The following PHF8 variants were observed in gnomAD, a reference collection of about 807,000 sequenced individuals.
PHF8 encodes PHD finger protein 8.
In PHF8, 9 loss-of-function variants were observed where a neutral mutation model predicts 74.4. That is an observed-to-expected ratio of 0.12 (90% confidence interval 0.07 to 0.21). PHF8 has a LOEUF of 0.21. Among genes scored for constraint, PHF8 ranks in the 10% least tolerant of loss-of-function variants. The pLI, the probability that PHF8 is intolerant of heterozygous loss-of-function variation, is 1.00. For synonymous variants in PHF8, 311 were observed against 316.6 expected, an observed-to-expected ratio of 0.98 and a Z score of 0.19; for missense variants, 478 against 816.6, an observed-to-expected ratio of 0.59 and a Z score of 5.05.
chrX:53,949,531 G>C (rs2064885372), intron 19 of PHF8, among the ~76,000 whole-genome samples: 1 of 109,684 alleles, frequency 9.1e-6, no homozygotes, highest in South Asian at 3.9e-4. Flanking sequence ...AATAAATGTT[G>C]GCCGGGCGCT....
At chrX:54,007,805 T>C (rs782227658) in intron 8 of PHF8, among the ~76,000 whole-genome samples, 3 of 112,117 alleles carry the variant, frequency 2.7e-5, no homozygotes, top group African/African-American at 9.7e-5. Context: ...CTGTTGAGAA[T>C]ATAAAATGGT....
At chrX:54,013,588 C>T (rs1250123356) in intron 7 of PHF8, among the ~76,000 whole-genome samples, 10 of 110,671 alleles carry the variant, frequency 9.0e-5, no homozygotes, top group African/African-American at 3.3e-4. Flanking sequence ...GAGGTGGAGG[C>T]AAGCAGATCA....
At chrX:53,965,689 C>A (rs1456917049) in intron 18 of PHF8, among the ~76,000 whole-genome samples, 1 of 111,971 alleles carries the variant, frequency 8.9e-6, no homozygotes, top group Non-Finnish European at 1.9e-5. Flanking sequence ...AATGGAGACT[C>A]AGTAACTGCA....
chrX:54,010,361 A>G (rs1283311212), intron 8 of PHF8, among the ~76,000 whole-genome samples: 3 of 111,646 alleles, frequency 2.7e-5, no homozygotes, highest in African/African-American at 6.5e-5. Flanking sequence ...CTCCACACAT[A>G]TATTTGACAA....
Position 53,940,433 on chromosome X carries a change from G to C in PHF8, c.2733C>G (p.Ser911=). 1 of 1,207,142 alleles carries C rather than the reference G, an allele frequency of 8.3e-7. No individual in the cohort carries two copies. Residue 911 remains serine, a synonymous_variant, in exon 21 of 22, where the codon TCC becomes TCG. Coordinates refer to ENST00000338154, the MANE Select transcript of PHF8 (RefSeq NM_015107.3). ...GGGCTGGTACTGTCAGACTGAGATT[G>C]GAGTCTTGAGGGCGAGGCTGTTCTA... The part of the protein sequence containing the change: ...KEVEQPRPQD[S]NLSLTVPAPT...
chrX:54,014,329 A>T, intron 7 of PHF8, 48 bp downstream of exon 7: 1 of 854,483 alleles, frequency 1.2e-6, no homozygotes. Context: ...TGACACGTAC[A>T]GGGAGGCCCA....
At chrX:53,942,005 T>A (rs1285029694) in intron 20 of PHF8, among the ~76,000 whole-genome samples, 3 of 111,768 alleles carry the variant, frequency 2.7e-5, no homozygotes, top group African/African-American at 9.8e-5. Context: ...CAGAATTACC[T>A]CTTCATATCT....
chrX:53,938,169 G>A lies in PHF8; in HGVS notation c.*989C>T. ...AAAGTTCCCGATGGAGGACCCAGGT[G>A]TGGGCCGTCCCGCCACACCCTCCAT... On this transcript the variant is annotated 3_prime_UTR_variant, in exon 22 of 22. Coordinates refer to ENST00000338154, the MANE Select transcript of PHF8 (RefSeq NM_015107.3). 9.0e-7 allele frequency: 1 copy of A among 1,110,396 alleles called. No individual in the cohort carries two copies. The highest frequency in any genetic ancestry group is 1.2e-6 in the Non-Finnish European group (1 of 846,471). 91.5% of individuals were successfully genotyped at this position (1,110,396 alleles called of 1,213,427 possible).
chrX:54,024,284 A>G (rs1333502244), intron 2 of PHF8, among the ~76,000 whole-genome samples: 1 of 112,104 alleles, frequency 8.9e-6, no homozygotes, highest in African/African-American at 3.2e-5. Flanking sequence ...TGTGTGTAGC[A>G]CAGTGAGCAT....
chrX:53,961,643 T>C (rs1051162589), intron 19 of PHF8, among the ~76,000 whole-genome samples: 4 of 110,797 alleles, frequency 3.6e-5, no homozygotes, highest in Admixed American at 1.9e-4. Context: ...AAAAGAAACA[T>C]TTACTGATTA....
intron 6 of PHF8, among the ~76,000 whole-genome samples, chrX:54,015,299 G>C (rs1304762591): frequency 9.0e-6 from 1 of 111,055 alleles, no homozygotes; most frequent in Non-Finnish European, 1.9e-5. Flanking sequence ...CAACAGCGCC[G>C]GGCGCGGTGG....
chrX:53,958,100 G>A (rs2065041274), intron 19 of PHF8, among the ~76,000 whole-genome samples: 1 of 107,967 alleles, frequency 9.3e-6, no homozygotes, highest in African/African-American at 3.4e-5. Flanking sequence ...GGAGTGCAGT[G>A]GCAAAATCTC....
chrX:54,017,960 C>G (rs1260912799), intron 4 of PHF8, 139 bp from the exon 5 acceptor site: 4 of 527,534 alleles, frequency 7.6e-6, no homozygotes, highest in Non-Finnish European at 9.7e-6. Flanking sequence ...AAAACCTCAT[C>G]TGCCAGGGAA....
At chrX:53,967,491 G>C (rs1417479060) in intron 18 of PHF8, among the ~76,000 whole-genome samples, 5 of 93,022 alleles carry the variant, frequency 5.4e-5, no homozygotes, top group African/African-American at 2.2e-4. Flanking sequence ...GGAGGGAGGT[G>C]GGGGGGTCAG....
At chrX:54,024,579 C>T (rs139265212) in intron 2 of PHF8, among the ~76,000 whole-genome samples, 2,298 of 111,687 alleles carry the variant, frequency 0.021, 25 homozygotes, top group Non-Finnish European at 0.03. Context: ...AACATTGGCA[C>T]TCTCTTCAAC....
At chrX:54,016,524 A>G in intron 6 of PHF8, 71 bp downstream of exon 6, 1 of 917,726 alleles carries the variant, frequency 1.1e-6, no homozygotes, top group Admixed American at 2.2e-5. Flanking sequence ...AGAAACACGA[A>G]TATACACTAG....
At chrX:53,979,637 C>A (rs782104733) in intron 18 of PHF8, among the ~76,000 whole-genome samples, 4 of 111,345 alleles carry the variant, frequency 3.6e-5, no homozygotes, top group Non-Finnish European at 7.5e-5. Flanking sequence ...AAGAAAATAT[C>A]GATTCAAAAT....
intron 5 of PHF8, 134 bp from the exon 6 acceptor site, chrX:54,016,870 TTTG>T: frequency 1.9e-6 from 1 of 527,085 alleles, no homozygotes; most frequent in East Asian, 3.6e-5. Flanking sequence ...TATGTGTGTG[TTTG>T]TTTGGGGGGC....
At chrX:54,020,450 A>G (rs1032741263) in intron 4 of PHF8, among the ~76,000 whole-genome samples, 1 of 111,959 alleles carries the variant, frequency 8.9e-6, no homozygotes, top group Non-Finnish European at 1.9e-5. Flanking sequence ...TGTAATATTA[A>G]ACAGCCATGA....
Sources: allele counts gnomAD v4.1 joint callset (sites outside exome capture counted in the v4.1 genomes callset), GRCh38; gene constraint gnomAD v4.1.1; transcripts MANE v1.5; gene names NCBI Gene and HGNC (gene_info 2026-07-23, HGNC 2026-07-21).